EYS: variants seen among roughly 807,000 people sequenced by gnomAD.
The protein encoded by EYS is EGF-like photoreceptor maintenance factor.
Under a neutral mutation model 282.1 loss-of-function variants are expected in EYS, and 250 were observed. That is an observed-to-expected ratio of 0.89 (90% CI 0.80 to 0.98). The LOEUF (loss-of-function observed/expected upper bound fraction) is 0.98, where lower values mean the gene tolerates loss of function less well. EYS is among the 50% of genes least tolerant of loss of function. The probability of loss-of-function intolerance (pLI) is 0.00; values close to 1 mark genes in which losing one functional copy is unlikely to be tolerated. For synonymous variants in EYS, 1,355 were observed against 1,282.9 expected (o/e 1.06, Z -1.20); for missense variants, 4,016 against 3,709.0 (o/e 1.08, Z -2.15).
chr6:65,330,334 T>C, intron 11 of EYS: 1 of 981,688 alleles, frequency 1.0e-6, no homozygotes, highest in Non-Finnish European at 1.2e-6. Flanking sequence ...TAGGGATTGG[T>C]GACTTAGACA....
At chr6:64,265,345 A>C (rs1409410600) in intron 30 of EYS, among the ~76,000 whole-genome samples, 3 of 152,176 alleles carry the variant, frequency 2.0e-5, no homozygotes, top group African/African-American at 7.2e-5. Context: ...CACAACTGCT[A>C]GGTATAGGCT....
At chr6:65,357,998 G>A (rs1245766685) in intron 8 of EYS, among the ~76,000 whole-genome samples, 1 of 151,906 alleles carries the variant, frequency 6.6e-6, no homozygotes, top group African/African-American at 2.4e-5. Flanking sequence ...TTAACTTTCA[G>A]TAGAATGATG....
chr6:65,402,330 C>CA (rs944484133), intron 7 of EYS, 148 bp downstream of exon 7: 40 of 468,378 alleles, frequency 8.5e-5, no homozygotes, highest in African/African-American at 3.6e-4. Flanking sequence ...CCAAAACATG[C>CA]AAAAAAAATT....
intron 34 of EYS, among the ~76,000 whole-genome samples, chr6:63,992,997 T>G (rs1767672501): frequency 6.6e-6 from 1 of 151,822 alleles, no homozygotes; most frequent in Non-Finnish European, 1.5e-5. Flanking sequence ...AAGTGTTTGG[T>G]TCTTCCTGCG....
At chr6:65,328,118 C>T (rs548993448) in intron 11 of EYS, among the ~76,000 whole-genome samples, 3 of 151,266 alleles carry the variant, frequency 2.0e-5, no homozygotes, top group Admixed American at 6.6e-5. Context: ...CTGTGAAAAA[C>T]GTTTGCTTTG....
intron 33 of EYS, among the ~76,000 whole-genome samples, chr6:64,030,284 G>C (rs78403039): frequency 0.029 from 4,392 of 152,078 alleles, 134 homozygotes; most frequent in East Asian, 0.07. Context: ...AAGTAGTAAA[G>C]AAAAAACAGT....
intron 26 of EYS, among the ~76,000 whole-genome samples, chr6:64,528,627 AC>A (rs1777999900): frequency 6.6e-6 from 1 of 151,976 alleles, no homozygotes; most frequent in African/African-American, 2.4e-5. Flanking sequence ...CTTATTTAGT[AC>A]CAAGTGCTTT....
In EYS at chr6:64,979,249, G is replaced by A. The variant is rs184293755; in HGVS notation, c.2259+18333C>T. On this transcript the variant is annotated intron_variant, in intron 14 of 42. Transcript: ENST00000503581. Reference sequence around the variant, plus strand: ...GCCACAATATCTCTGAGTTATGCCCGTATTTTAACAATTTTATGAAGTAAC... The same window carrying A: ...GCCACAATATCTCTGAGTTATGCCCATATTTTAACAATTTTATGAAGTAAC... 2.5e-4 allele frequency among the ~76,000 whole-genome samples: 38 copies of A among 151,818 alleles called. No homozygotes were observed. The East Asian group carries it at 5.8e-3, about 23-fold the overall frequency.
chr6:64,953,333 T>C (rs2150101044), intron 14 of EYS, among the ~76,000 whole-genome samples: 1 of 151,914 alleles, frequency 6.6e-6, no homozygotes, highest in African/African-American at 2.4e-5. Context: ...TTTATGTAAC[T>C]CTTGAAAGAA....
Position 64,236,212 on chromosome 6 carries a change from C to CTCCA in EYS, c.6192-5392_6192-5389dup, listed in dbSNP as rs554442515. ...ATGGTCTCTATCTCCTGACCTTGTG[C>CTCCA]TCCATCCGCCTTGGCCTCCCAAAGG... is the stretch of plus-strand genomic sequence containing the variant. On this transcript the variant is annotated intron_variant, in intron 30 of 42. Coordinates refer to ENST00000503581, the MANE Select transcript of EYS (RefSeq NM_001142800.2). Among the ~76,000 whole-genome samples, 22 of 152,264 alleles carry CTCCA rather than the reference C, an allele frequency of 1.4e-4. 1 individual carries two copies. In the South Asian group the frequency reaches 4.6e-3, roughly 32 times the overall value.
chr6:65,544,688 G>A (rs998135965), intron 2 of EYS, among the ~76,000 whole-genome samples: 1 of 152,104 alleles, frequency 6.6e-6, no homozygotes, highest in African/African-American at 2.4e-5. Flanking sequence ...AGCAGTGTGA[G>A]AATGGACTAA....
In EYS at chr6:64,404,669, CA is replaced by C. The variant is rs567988728; in HGVS notation, c.5928-15830del. ...GGAGAGGACAATATGCATCAAACAT[CA>C]AGATGCTTAATGGGGTTGGGGACTG... On this transcript the variant is annotated intron_variant, in intron 28 of 42. Transcript: ENST00000503581. Among the ~76,000 whole-genome samples the C allele has an allele frequency of 6.3e-3, 966 of 152,232 alleles. 13 individuals are homozygous for C. The highest frequency in any genetic ancestry group is 0.01 in the Middle Eastern group (3 of 294).
intron 8 of EYS, among the ~76,000 whole-genome samples, chr6:65,379,418 G>T (rs963600331): frequency 6.6e-6 from 1 of 151,820 alleles, no homozygotes; most frequent in African/African-American, 2.4e-5. Context: ...ATTCAACACC[G>T]CTTCATGCTA....
intron 2 of EYS, among the ~76,000 whole-genome samples, chr6:65,588,890 T>C: frequency 8.5e-6 from 1 of 117,902 alleles, no homozygotes; most frequent in Non-Finnish European, 1.8e-5. Flanking sequence ...AGGCTTTCTT[T>C]TTAAAAAGTG....
At chr6:64,575,525 C>T (rs1362738605) in intron 26 of EYS, among the ~76,000 whole-genome samples, 2 of 152,020 alleles carry the variant, frequency 1.3e-5, no homozygotes, top group African/African-American at 2.4e-5. Flanking sequence ...AGAGCATCAG[C>T]GAGCTAGTGA....
chr6:64,636,568 A>C (rs535468401), intron 22 of EYS, among the ~76,000 whole-genome samples: 1,584 of 152,312 alleles, frequency 0.01, 9 homozygotes, highest in Non-Finnish European at 0.015. Context: ...AGCAATGGCA[A>C]CAAAAGCCAA....
At chr6:64,697,947 A>G (rs954586100) in intron 22 of EYS, among the ~76,000 whole-genome samples, 3 of 150,924 alleles carry the variant, frequency 2.0e-5, no homozygotes, top group Non-Finnish European at 4.4e-5. Flanking sequence ...TCTCAAAACA[A>G]ACAAACAAAA....
At chr6:65,283,331 A>T (rs1768274862) in intron 12 of EYS, among the ~76,000 whole-genome samples, 1 of 151,912 alleles carries the variant, frequency 6.6e-6, no homozygotes, top group Non-Finnish European at 1.5e-5. Flanking sequence ...ATACATTGAT[A>T]TTTATTTTAT....
chr6:65,617,756 T>C (rs1328653116), intron 2 of EYS, among the ~76,000 whole-genome samples: 2 of 138,134 alleles, frequency 1.4e-5, no homozygotes, highest in African/African-American at 5.4e-5. Flanking sequence ...CCTGTGTCCA[T>C]GTGTTCTCAT....
Sources: gnomAD v4.1 joint callset for allele counts (sites outside exome capture counted in the v4.1 genomes callset) on GRCh38, gnomAD v4.1.1 for gene constraint, MANE v1.5 for transcripts, NCBI Gene and HGNC (gene_info 2026-07-23, HGNC 2026-07-21) for gene names.